NOX1: variants seen among roughly 807,000 people sequenced by gnomAD.
The protein encoded by NOX1 is NADH/NADPH mitogenic oxidase subunit P65-MOX.
A neutral mutation model predicts 42.5 loss-of-function variants in NOX1; 34 were observed. The ratio of observed to expected loss-of-function variants is 0.80; its 90% CI spans 0.61 to 1.07. The LOEUF is 1.07. Ranked by LOEUF, NOX1 falls within the 50% of genes least tolerant of loss-of-function variation. The pLI is 0.00. For missense variants in NOX1, 408 were observed against 427.0 expected, an observed-to-expected ratio of 0.96 and a Z score of 0.39; for synonymous variants, 143 against 152.5, an observed-to-expected ratio of 0.94 and a Z score of 0.46.
At chrX:100,874,023 G>C in intron 1 of NOX1, 72 bp downstream of exon 1, 2 of 793,890 alleles carry the variant, frequency 2.5e-6, no homozygotes, top group Admixed American at 4.9e-5. Context: ...CTTTCAAATT[G>C]CTTTACAAAT....
chrX:100,853,304 T>TCTCTC (rs1190355171), intron 7 of NOX1, among the ~76,000 whole-genome samples: 1 of 78,367 alleles, frequency 1.3e-5, no homozygotes, highest in African/African-American at 5.5e-5. Context: ...CTTTCTTTCT[T>TCTCTC]TCTTTCTTTC....
At position 100,843,433 on chromosome X, in the gene NOX1, G is replaced by A; in HGVS notation, c.*519C>T. The stretch of plus-strand genomic sequence containing the variant: ...AGTGACAGTAAACATGTACACTGTT[G>A]GTGTTATATGGGGATGGGGTTCTCG... On this transcript the variant is annotated 3_prime_UTR_variant, in exon 13 of 13. Transcript: ENST00000372966. 8.9e-7 allele frequency: 1 copy of A among 1,125,426 alleles called. No individual in the cohort carries two copies. Among genetic ancestry groups the A allele is most frequent in the Admixed American group, 3.2e-5 (1 of 31,655 alleles). The allele number at this position is 1,125,426 out of a possible 1,213,427, so 92.7% of individuals were successfully genotyped here. A position where few individuals can be genotyped will look rare whatever the true frequency, so the allele number is the denominator to read the frequency against.
chrX:100,853,306 CTTTCTT>C (rs1569445632), intron 7 of NOX1, among the ~76,000 whole-genome samples: 12 of 80,924 alleles, frequency 1.5e-4, no homozygotes, highest in African/African-American at 3.4e-4. Flanking sequence ...TTCTTTCTTT[CTTTCTT>C]TCTTTCTTTC....
intron 1 of NOX1, among the ~76,000 whole-genome samples, chrX:100,873,174 A>C (rs997272063): frequency 4.5e-5 from 5 of 111,027 alleles, no homozygotes; most frequent in Non-Finnish European, 9.4e-5. Context: ...GAGAAAGGAC[A>C]CAGGGAGCCC....
chrX:100,862,413 C>T lies in NOX1; in HGVS notation c.650G>A (p.Gly217Asp). Residue 217 changes from glycine (G) to aspartate (D), a missense_variant, in exon 6 of 13, where the codon GGC becomes GAC. By Grantham distance (94) the Gly-to-Asp change is moderately conservative. Transcript: ENST00000372966. The part of the protein sequence containing the change: ...THHLFIFYIL[G>D]LGIHGIGGIV... ...TTACCCAATGCCGTGAATCCCTAAG[C>T]CAAGGATATAGAAGATAAAAAGGTG... 9 of 1,210,958 alleles carry T rather than the reference C, an allele frequency of 7.4e-6. No homozygotes were observed. Among genetic ancestry groups the T allele is most frequent in the Non-Finnish European group, 1.0e-5 (9 of 895,109 alleles).
chrX:100,855,815 T>A lies in NOX1; in HGVS notation c.805-4490A>T, dbSNP rs770067172. Reference sequence around the variant, plus strand: ...GACCACTTCGACCTCTTTGGCTGGATGAAGCACTAGCCATCTCTTGCTTTG... The same window carrying A: ...GACCACTTCGACCTCTTTGGCTGGAAGAAGCACTAGCCATCTCTTGCTTTG... On this transcript the variant is annotated intron_variant, in intron 7 of 12. Transcript: ENST00000372966. 1.6e-4 allele frequency: 182 copies of A among 1,120,786 alleles called. No homozygotes were observed. In the East Asian group the frequency reaches 1.8e-3, roughly 11 times the overall value. 92.4% of individuals were successfully genotyped at this position (1,120,786 alleles called of 1,213,427 possible). A position where few individuals can be genotyped will look rare whatever the true frequency, so the allele number is the denominator to read the frequency against.
In NOX1 at chrX:100,863,639, C is replaced by T. The variant is rs765620748; in HGVS notation, c.142-44G>A. On this transcript the variant is annotated intron_variant, in intron 2 of 12. Transcript: ENST00000372966. The stretch of plus-strand genomic sequence containing the variant: ...AGAGACCATCAGCTGCTTCATTTCA[C>T]CATCTAGCACGTGAGCAACTGACCC... The T allele has an allele frequency of 2.1e-5, 24 of 1,166,951 alleles. No individual in the cohort carries two copies. In the South Asian group the frequency reaches 4.0e-4, roughly 19 times the overall value.
Position 100,843,963 on chromosome X carries a change from C to T in NOX1, c.1684G>A (p.Glu562Lys). The T allele has an allele frequency of 1.7e-6, 2 of 1,205,200 alleles. No individual in the cohort carries two copies. Among genetic ancestry groups the T allele is most frequent in the Non-Finnish European group, 2.2e-6 (2 of 890,465 alleles). The change falls in exon 13 of 13, where the codon GAA becomes AAA. Residue 562 changes from glutamate (E) to lysine (K), a missense_variant. Coordinates refer to ENST00000372966, the MANE Select transcript of NOX1 (RefSeq NM_007052.5). The part of the protein sequence containing the change: ...PRKVQFYFNK[E>K]NF ...CTTATTCCTATAACTCAAAAATTTTCTTTGTTGAAGTAGAATTGAACCTTT... is the reference window on the plus strand; with the variant it reads ...CTTATTCCTATAACTCAAAAATTTTTTTTGTTGAAGTAGAATTGAACCTTT...
At chrX:100,865,598 A>T (rs755001168) in intron 2 of NOX1, among the ~76,000 whole-genome samples, 1 of 112,926 alleles carries the variant, frequency 8.9e-6, no homozygotes, top group South Asian at 3.6e-4. Context: ...GCAGAGCATG[A>T]ATTTAAGAAA....
chrX:100,853,487 G>A (rs1373142730), intron 7 of NOX1, among the ~76,000 whole-genome samples: 3 of 86,581 alleles, frequency 3.5e-5, no homozygotes, highest in Admixed American at 1.3e-4. Context: ...TGCAACCCCC[G>A]CCTCCCGGGT....
At chrX:100,851,963 C>T (rs892670244) in intron 7 of NOX1, among the ~76,000 whole-genome samples, 2 of 111,323 alleles carry the variant, frequency 1.8e-5, no homozygotes, top group African/African-American at 3.3e-5. Context: ...AGACTGTCTT[C>T]GAGGACAGCT....
intron 12 of NOX1, among the ~76,000 whole-genome samples, chrX:100,845,192 A>G (rs905342740): frequency 1.8e-5 from 2 of 111,189 alleles, no homozygotes; most frequent in Admixed American, 1.9e-4. Flanking sequence ...AAGAAACCCC[A>G]TCCACATTAG....
chrX:100,848,982 A>G (rs1310153412), intron 11 of NOX1, among the ~76,000 whole-genome samples: 5 of 111,822 alleles, frequency 4.5e-5, no homozygotes, highest in African/African-American at 1.6e-4. Context: ...AGGCTAAGGC[A>G]GGAGAATTGC....
intron 7 of NOX1, among the ~76,000 whole-genome samples, chrX:100,857,900 T>C (rs1402459901): frequency 1.8e-5 from 2 of 111,840 alleles, no homozygotes; most frequent in Non-Finnish European, 3.8e-5. Context: ...GCTTTTGCTG[T>C]GCAGAAGCTC....
intron 7 of NOX1, among the ~76,000 whole-genome samples, chrX:100,853,311 T>TC (rs1491561510): frequency 7.2e-4 from 63 of 87,337 alleles, no homozygotes; most frequent in African/African-American, 2.8e-3. Context: ...TCTTTCTTTC[T>TC]TTCTTTCTTT....
At position 100,850,132 on chromosome X, in the gene NOX1, C is replaced by G; in HGVS notation, c.1133+19G>C. ...AGTCTGCATCCTGGTCTGGGACTCT[C>G]CTGGTCTCAAGGACCTACCTGGGAA... On this transcript the variant is annotated intron_variant, in intron 9 of 12. Coordinates refer to ENST00000372966, the MANE Select transcript of NOX1 (RefSeq NM_007052.5). The G allele has an allele frequency of 8.6e-7, 1 of 1,168,065 alleles. No individual in the cohort carries two copies. The highest frequency in any genetic ancestry group is 1.2e-6 in the Non-Finnish European group (1 of 857,585).
intron 5 of NOX1, 26 bp downstream of exon 5, chrX:100,862,643 G>T: frequency 8.4e-7 from 1 of 1,191,276 alleles, no homozygotes; most frequent in African/African-American, 1.8e-5. Context: ...CCAGATCTCA[G>T]ATGCTTTGCT....
Position 100,849,816 on chromosome X carries a change from A to T in NOX1, c.1252T>A (p.Trp418Arg), listed in dbSNP as rs1377688958. ...TGGTCTGCACACTGGAATTTGTACC[A>T]GATGGATTTCAAGATAGAAGCAAAG... Reference protein sequence around the residue: ...TPFASILKSIWYKFQCADHNL... With the variant: ...TPFASILKSIRYKFQCADHNL... The change falls in exon 10 of 13, where the codon TGG becomes AGG. Residue 418 changes from tryptophan (W) to arginine (R), a missense_variant. Physicochemically the swap from Trp to Arg is moderately radical, Grantham distance 101. Coordinates refer to ENST00000372966, the MANE Select transcript of NOX1 (RefSeq NM_007052.5). 8.3e-7 allele frequency: 1 copy of T among 1,211,445 alleles called. No individual in the cohort carries two copies. The highest frequency in any genetic ancestry group is 1.1e-6 in the Non-Finnish European group (1 of 895,199).
chrX:100,862,703 C>A lies in NOX1; in HGVS notation c.455G>T (p.Gly152Val), dbSNP rs145552525. The change falls in exon 5 of 13, where the codon GGT (glycine) becomes GTT (valine). Residue 152 changes from glycine (G) to valine (V), a missense_variant. Coordinates refer to ENST00000372966, the MANE Select transcript of NOX1 (RefSeq NM_007052.5). ...SSLSHDEKKG[G>V]SWLNPIQSRN... ...GGACTGGATGGGATTTAGCCAAGAA[C>A]CCCCCTTTTTCTCATCATGAGATAG... The A allele has an allele frequency of 8.4e-7, 1 of 1,195,077 alleles. No individual in the cohort carries two copies. Among genetic ancestry groups the A allele is most frequent in the East Asian group, 3.0e-5 (1 of 33,728 alleles).
Sources: gnomAD v4.1 joint callset for allele counts (sites outside exome capture counted in the v4.1 genomes callset) on GRCh38, gnomAD v4.1.1 for gene constraint, MANE v1.5 for transcripts, NCBI Gene and HGNC (gene_info 2026-07-23, HGNC 2026-07-21) for gene names.